Variants in CLVS1 observed in about 807,000 individuals in gnomAD.
The protein encoded by CLVS1 is clavesin 1, also known as clavesin-1.
In CLVS1, 10 loss-of-function variants were observed where a neutral mutation model predicts 33.1. The observed-to-expected ratio is 0.30, with a 90% CI of 0.19 to 0.51. The LOEUF is 0.51. Among genes scored for constraint, CLVS1 ranks in the 20% least tolerant of loss-of-function variants. CLVS1 has a pLI of 0.97. For missense variants in CLVS1, 343 were observed against 433.4 expected (o/e 0.79, Z 1.85); for synonymous variants, 163 against 166.1 (o/e 0.98, Z 0.14).
upstream of CLVS1, among the ~76,000 whole-genome samples, chr8:61,287,042 T>C (rs1412893466): frequency 6.6e-6 from 1 of 152,230 alleles, no homozygotes; most frequent in Non-Finnish European, 1.5e-5. Context: ...CATAAATCTT[T>C]GCATATCTGA....
chr8:61,302,843 G>A (rs951739235), intron 2 of CLVS1, among the ~76,000 whole-genome samples: 2 of 152,196 alleles, frequency 1.3e-5, no homozygotes, highest in Non-Finnish European at 2.9e-5. Flanking sequence ...ATGGCAGAAG[G>A]TGAAGGGGAG....
intron 3 of CLVS1, among the ~76,000 whole-genome samples, chr8:61,392,269 C>T (rs1490681902): frequency 6.6e-6 from 1 of 151,828 alleles, no homozygotes; most frequent in East Asian, 1.9e-4. Flanking sequence ...GAGTTGGAGG[C>T]TGCAGTGAGC....
intron 2 of CLVS1, among the ~76,000 whole-genome samples, chr8:61,268,249 G>A (rs1246427053): frequency 6.8e-6 from 1 of 146,554 alleles, no homozygotes; most frequent in Non-Finnish European, 1.5e-5. Flanking sequence ...TCCCACCTAT[G>A]AGTGAGAATA....
intron 5 of CLVS1, among the ~76,000 whole-genome samples, chr8:61,468,716 T>TAAAAAAAAAAAAAA (rs5891803): frequency 1.1e-5 from 1 of 92,484 alleles, no homozygotes; most frequent in Non-Finnish European, 2.0e-5. Context: ...GTAAAAGTAC[T>TAAAAAAAAAAAAAA]AAAAAAAAAA....
chr8:61,271,889 T>C (rs893413681), intron 2 of CLVS1, among the ~76,000 whole-genome samples: 2 of 151,618 alleles, frequency 1.3e-5, no homozygotes, highest in Non-Finnish European at 2.9e-5. Context: ...TCCATCCTTT[T>C]ATTTTGAGCC....
chr8:61,001,703 T>A, the CLVS1 span, among the ~76,000 whole-genome samples: 8 of 152,326 alleles, frequency 5.3e-5, no homozygotes, highest in African/African-American at 1.9e-4. Context: ...GCATCCTAAT[T>A]CCTTTGCAGC....
Position 61,271,689 on chromosome 8 carries a change from C to T in CLVS1, c.-151-27988C>T, listed in dbSNP as rs537456826. Among the ~76,000 whole-genome samples, 563 of 85,000 alleles carry T rather than the reference C, an allele frequency of 6.6e-3. 10 individuals are homozygous for T. Among genetic ancestry groups the T allele is most frequent in the African/African-American group, 0.022 (257 of 11,444 alleles). 55.8% of individuals were successfully genotyped at this position (85,000 alleles called of 152,430 possible). ...GTCTCTAAGGACTTGCTTTATGAAT[C>T]TGGGTGCTCCTGTATTGGGTGCATA... On this transcript the variant is annotated intron_variant, in intron 2 of 2. Transcript: ENST00000522621.
chr8:61,425,464 C>T (rs1379649055), intron 3 of CLVS1, among the ~76,000 whole-genome samples: 1 of 152,140 alleles, frequency 6.6e-6, no homozygotes, highest in Admixed American at 6.5e-5. Context: ...ACATAATTCA[C>T]ATGCCACAAA....
chr8:61,243,666 G>C (rs938097162), intron 2 of CLVS1, among the ~76,000 whole-genome samples: 2 of 152,154 alleles, frequency 1.3e-5, no homozygotes, highest in African/African-American at 4.8e-5. Flanking sequence ...TTTAATGTCT[G>C]TAGGATCTGT....
chr8:61,192,550 A>C (rs1391501708), intron 2 of CLVS1, among the ~76,000 whole-genome samples: 2 of 152,248 alleles, frequency 1.3e-5, no homozygotes, highest in Non-Finnish European at 2.9e-5. Flanking sequence ...GCTTCTGCAC[A>C]GCAAAAGAAA....
At chr8:61,461,847 C>G (rs983730693) in intron 5 of CLVS1, among the ~76,000 whole-genome samples, 1 of 152,154 alleles carries the variant, frequency 6.6e-6, no homozygotes, top group East Asian at 1.9e-4. Context: ...TCTATGAGAA[C>G]CTTCTTCTCC....
At chr8:61,218,505 T>C (rs1174399556) in intron 2 of CLVS1, among the ~76,000 whole-genome samples, 1 of 151,552 alleles carries the variant, frequency 6.6e-6, no homozygotes, top group Non-Finnish European at 1.5e-5. Flanking sequence ...CTGGGAAGGA[T>C]AGGAGGAAAG....
intron 2 of CLVS1, among the ~76,000 whole-genome samples, chr8:61,372,928 C>G (rs1342390260): frequency 2.0e-5 from 3 of 152,134 alleles, no homozygotes; most frequent in Admixed American, 6.6e-5. Context: ...CTAGGTTGAG[C>G]TGGATCACCT....
chr8:61,495,744 A>T (rs1804245349), intron 5 of CLVS1, among the ~76,000 whole-genome samples: 1 of 152,232 alleles, frequency 6.6e-6, no homozygotes, highest in Non-Finnish European at 1.5e-5. Flanking sequence ...GCAACTCTAA[A>T]TTGCCTCAAC....
In CLVS1 at chr8:61,388,488, G is replaced by T. The variant is rs112193074; in HGVS notation, c.630+11709G>T. On this transcript the variant is annotated intron_variant, in intron 3 of 5. Coordinates refer to ENST00000325897, the MANE Select transcript of CLVS1 (RefSeq NM_173519.3). ...CTTGAAAATTTTGAGCCTAAAAAAT[G>T]CAGTAGCACATTGTCTTTGTGGAAC... Among the ~76,000 whole-genome samples the T allele has an allele frequency of 4.2e-3, 644 of 151,848 alleles. 4 individuals carry two copies. Among genetic ancestry groups the T allele is most frequent in the African/African-American group, 0.014 (582 of 41,434 alleles).
chr8:61,055,900 C>A (rs1465342517), upstream of CLVS1, among the ~76,000 whole-genome samples: 1 of 152,242 alleles, frequency 6.6e-6, no homozygotes, highest in Non-Finnish European at 1.5e-5. Flanking sequence ...GGTTCAGAGG[C>A]CTGGACTCCT....
At chr8:61,180,182 C>T (rs2129300296) in intron 2 of CLVS1, among the ~76,000 whole-genome samples, 1 of 152,164 alleles carries the variant, frequency 6.6e-6, no homozygotes, top group Non-Finnish European at 1.5e-5. Context: ...CAGAGAAATA[C>T]AAACTGCCAT....
At chr8:61,016,860 A>G in the CLVS1 span, among the ~76,000 whole-genome samples, 1 of 152,194 alleles carries the variant, frequency 6.6e-6, no homozygotes, top group African/African-American at 2.4e-5. Context: ...TCCATCTGGA[A>G]AGAGGGGTAC....
At chr8:61,201,202 G>A (rs1807725499) in intron 2 of CLVS1, among the ~76,000 whole-genome samples, 1 of 152,144 alleles carries the variant, frequency 6.6e-6, no homozygotes, top group Non-Finnish European at 1.5e-5. Flanking sequence ...TAAGGGTCAG[G>A]AACTTATTGC....
Sources: allele counts gnomAD v4.1 joint callset (sites outside exome capture counted in the v4.1 genomes callset), GRCh38; gene constraint gnomAD v4.1.1; transcripts MANE v1.5; gene names NCBI Gene and HGNC (gene_info 2026-07-23, HGNC 2026-07-21).